The following ZBTB44 variants were observed in gnomAD, a reference collection of about 807,000 sequenced individuals.
ZBTB44 encodes the protein zinc finger and BTB domain-containing protein 44.
ZBTB44 carries 15 observed loss-of-function variants against 54.0 expected under a neutral mutation model. That is an observed-to-expected ratio of 0.28 (90% CI 0.19 to 0.43). The LOEUF (loss-of-function observed/expected upper bound fraction) is 0.43. ZBTB44 is among the 20% of genes least tolerant of loss of function. ZBTB44 has a pLI of 1.00. For synonymous variants in ZBTB44, 230 were observed against 250.1 expected (o/e 0.92, Z 0.76); for missense variants, 487 against 707.1 (o/e 0.69, Z 3.53).
At chr11:130,267,005 C>G (rs969409837) in intron 1 of ZBTB44, among the ~76,000 whole-genome samples, 5 of 152,140 alleles carry the variant, frequency 3.3e-5, no homozygotes, top group African/African-American at 1.2e-4. Context: ...ATGGCTCACC[C>G]TATAATCCCA....
intron 2 of ZBTB44, among the ~76,000 whole-genome samples, chr11:130,240,428 A>G (rs560721859): frequency 2.5e-4 from 38 of 152,242 alleles, no homozygotes; most frequent in Non-Finnish European, 3.7e-4. Flanking sequence ...TCTTTTAGAA[A>G]TATTTCTTTG....
At chr11:130,298,294 C>A (rs899775286) in intron 1 of ZBTB44, among the ~76,000 whole-genome samples, 8 of 151,916 alleles carry the variant, frequency 5.3e-5, no homozygotes, top group Non-Finnish European at 8.8e-5. Flanking sequence ...AGGCATGCAC[C>A]ACCTCACCCA....
At chr11:130,276,831 T>G (rs1287048224) in intron 1 of ZBTB44, among the ~76,000 whole-genome samples, 1 of 152,220 alleles carries the variant, frequency 6.6e-6, no homozygotes, top group Non-Finnish European at 1.5e-5. Flanking sequence ...TTTGGTATTC[T>G]GTTATTACAT....
In ZBTB44 at chr11:130,314,834, C is replaced by CCGCG; in HGVS notation, c.-520_-517dup. Reference sequence around the variant, plus strand: ...GGGGGAGGTTGGGAGGGAGCCGCCGCCGCGCGCGTGCGGCCGGCGCCGCCG... The same window carrying CCGCG: ...GGGGGAGGTTGGGAGGGAGCCGCCGCCGCGCGCGCGCGTGCGGCCGGCGCCGCCG... On this transcript the variant is annotated 5_prime_UTR_variant, in exon 1 of 8. Coordinates refer to ENST00000357899, the MANE Select transcript of ZBTB44 (RefSeq NM_001301098.2). 4.8e-4 allele frequency: 1 copy of CCGCG among 2,072 alleles called. No individual in the cohort carries two copies. The highest frequency in any genetic ancestry group is 3.4e-3 in the African/African-American group (1 of 296). The allele number at this position is 2,072 out of a possible 1,614,324, so 0.1% of individuals were successfully genotyped here. A position where few individuals can be genotyped will look rare whatever the true frequency, so the allele number is the denominator to read the frequency against.
chr11:130,286,865 A>G (rs1940998030), intron 1 of ZBTB44, among the ~76,000 whole-genome samples: 2 of 152,196 alleles, frequency 1.3e-5, no homozygotes, highest in South Asian at 4.1e-4. Context: ...GAGTCTATGT[A>G]AAGAGCCCAG....
intron 7 of ZBTB44, chr11:130,232,654 A>T (rs969463472): frequency 2.0e-5 from 3 of 152,222 alleles, no homozygotes; most frequent in African/African-American, 7.2e-5. Flanking sequence ...GCAATGTCTA[A>T]AAATAAATAT....
chr11:130,296,901 T>C, intron 1 of ZBTB44: 4 of 730,092 alleles, frequency 5.5e-6, no homozygotes, highest in Non-Finnish European at 1.0e-5. Context: ...AGTGCCTGCC[T>C]TTGTTGATCT....
chr11:130,278,689 C>CA (rs1185599747), intron 1 of ZBTB44, among the ~76,000 whole-genome samples: 2 of 152,118 alleles, frequency 1.3e-5, no homozygotes, highest in African/African-American at 4.8e-5. Flanking sequence ...TCACTAAACC[C>CA]ATCTTCTGCC....
intron 1 of ZBTB44, among the ~76,000 whole-genome samples, chr11:130,288,443 A>C (rs2134337771): frequency 6.6e-6 from 1 of 152,162 alleles, no homozygotes; most frequent in African/African-American, 2.4e-5. Flanking sequence ...CCTCTGGAAA[A>C]CTCCATTGTA....
intron 1 of ZBTB44, chr11:130,295,889 C>A: frequency 1.4e-6 from 2 of 1,471,196 alleles, no homozygotes; most frequent in East Asian, 2.3e-5. Context: ...CACGTGCATA[C>A]CTATGGGTTG....
Position 130,260,898 on chromosome 11 carries a change from C to T in ZBTB44, c.976G>A (p.Val326Ile), listed in dbSNP as rs767208176. The change falls in exon 2 of 8, where the codon GTC becomes ATC. Residue 326 changes from valine (V) to isoleucine (I), a missense_variant. By Grantham distance (29) the Val-to-Ile change is conservative (BLOSUM62 3). Around this residue, in one of 3 missense-constraint regions of ZBTB44, gnomAD observed 277 missense variants for 306.5 expected, o/e 0.90. Coordinates refer to ENST00000357899, the MANE Select transcript of ZBTB44 (RefSeq NM_001301098.2). ...DQQTVPGSEQVQEDLLISPQS... is the reference protein window; with the variant it reads ...DQQTVPGSEQIQEDLLISPQS... ...GGACTAATCAGAAGGTCCTCTTGGA[C>T]TTGTTCACTTCCTGGAACTGTCTGC... The T allele has an allele frequency of 1.9e-6, 3 of 1,613,830 alleles. No individual in the cohort carries two copies. The highest frequency in any genetic ancestry group is 4.5e-5 in the East Asian group (2 of 44,892).
chr11:130,260,108 C>A lies in ZBTB44; in HGVS notation c.1018+748G>T, dbSNP rs754620383. ...CATCACCTGCACTTAAATGCAACCCCTACTGAAACTAGGATTCGAGGCTCT... is the reference window on the plus strand; with the variant it reads ...CATCACCTGCACTTAAATGCAACCCATACTGAAACTAGGATTCGAGGCTCT... On this transcript the variant is annotated intron_variant, in intron 2 of 7. Transcript: ENST00000357899. Among the ~76,000 whole-genome samples, 95 of 152,286 alleles carry A rather than the reference C, an allele frequency of 6.2e-4. 1 individual carries two copies. The highest frequency in any genetic ancestry group is 1.2e-3 in the Non-Finnish European group (80 of 68,020).
chr11:130,296,240 G>A (rs1396761539), intron 1 of ZBTB44: 4 of 1,328,728 alleles, frequency 3.0e-6, no homozygotes, highest in Non-Finnish European at 4.2e-6. Context: ...ATACAACAGT[G>A]GATGGTCTTG....
At chr11:130,251,515 T>C (rs951989119) in intron 2 of ZBTB44, among the ~76,000 whole-genome samples, 5 of 152,030 alleles carry the variant, frequency 3.3e-5, no homozygotes, top group Non-Finnish European at 7.4e-5. Flanking sequence ...AAGGTTGAAA[T>C]GAAGGAAAAA....
Position 130,261,596 on chromosome 11 carries a change from G to T in ZBTB44, c.278C>A (p.Thr93Asn). The change falls in exon 2 of 8, where the codon ACT (threonine) becomes AAT (asparagine). Residue 93 changes from threonine (T) to asparagine (N), a missense_variant. Physicochemically the swap from Thr to Asn is moderately conservative, Grantham distance 65 (BLOSUM62 0). Coordinates refer to ENST00000357899, the MANE Select transcript of ZBTB44 (RefSeq NM_001301098.2). This position sits in a 1 kb window ranked among gnomAD's most constrained non-coding sequence, Gnocchi z 4.8. ...AATATTTTCTGTGTTAATTGATAGA[G>T]TGGCTGTGTAAGCATATTCTAAAAG... Reference protein sequence around the residue: ...IPLLEYAYTATLSINTENIID... With the variant: ...IPLLEYAYTANLSINTENIID... 1.2e-6 allele frequency: 2 copies of T among 1,613,980 alleles called. No homozygotes were observed. The highest frequency in any genetic ancestry group is 1.7e-6 in the Non-Finnish European group (2 of 1,179,892).
At chr11:130,241,853 T>C (rs1192466947) in intron 2 of ZBTB44, among the ~76,000 whole-genome samples, 2 of 152,232 alleles carry the variant, frequency 1.3e-5, no homozygotes, top group Non-Finnish European at 2.9e-5. Context: ...TGTGACCGAA[T>C]GTCATGAAAG....
chr11:130,261,226 T>G lies in ZBTB44; in HGVS notation c.648A>C (p.Glu216Asp). 6.2e-7 allele frequency: 1 copy of G among 1,613,946 alleles called. No homozygotes were observed. The highest frequency in any genetic ancestry group is 2.2e-5 in the East Asian group (1 of 44,876). ...AAGAGTCAACTGGTTGGTTTCTATT[T>G]TCTGAGTAGGAAGCTGAAGAATTCA... Reference protein sequence around the residue: ...QVLNSSASYSENRNQPVDSSL... With the variant: ...QVLNSSASYSDNRNQPVDSSL... Residue 216 changes from glutamate to aspartate, a missense_variant, in exon 2 of 8, where the codon GAA becomes GAC. Physicochemically the swap from Glu to Asp is conservative, Grantham distance 45. Transcript: ENST00000357899. This position sits in a 1 kb window ranked among gnomAD's most constrained non-coding sequence, Gnocchi z 4.8.
Position 130,261,748 on chromosome 11 carries a change from G to A in ZBTB44, c.126C>T (p.Phe42=), listed in dbSNP as rs2136438889. The A allele has an allele frequency of 6.2e-7, 1 of 1,614,012 alleles. No homozygotes were observed. Among genetic ancestry groups the A allele is most frequent in the South Asian group, 1.1e-5 (1 of 91,088 alleles). The part of the protein sequence containing the change: ...DITIRVQDKI[F]RAHKVVLAAC... ...CTGCTAGTACCACCTTATGTGCCCG[G>A]AAGATTTTGTCCTGGACACGAATAG... Residue 42 remains phenylalanine (F), a synonymous_variant, in exon 2 of 8, where the codon TTC becomes TTT. Transcript: ENST00000357899. The surrounding 1 kb of genome is among the most constrained non-coding windows in gnomAD (Gnocchi z 4.8).
chr11:130,261,626 A>G lies in ZBTB44; in HGVS notation c.248T>C (p.Ile83Thr). Reference sequence around the variant, plus strand: ...TGTGTAAGCATATTCTAAAAGAGGTATAAAGCCAGTCACTGTAACATGATG... The same window carrying G: ...TGTGTAAGCATATTCTAAAAGAGGTGTAAAGCCAGTCACTGTAACATGATG... ...DLHHVTVTGF[I>T]PLLEYAYTAT... Residue 83 changes from isoleucine (I) to threonine (T), a missense_variant, in exon 2 of 8, where the codon ATA becomes ACA. Coordinates refer to ENST00000357899, the MANE Select transcript of ZBTB44 (RefSeq NM_001301098.2). This position sits in a 1 kb window ranked among gnomAD's most constrained non-coding sequence, Gnocchi z 4.8. The G allele has an allele frequency of 1.9e-6, 3 of 1,614,062 alleles. No homozygotes were observed. The highest frequency in any genetic ancestry group is 2.5e-6 in the Non-Finnish European group (3 of 1,179,904).
Sources: allele counts gnomAD v4.1 joint callset (sites outside exome capture counted in the v4.1 genomes callset), GRCh38; gene constraint gnomAD v4.1.1; regional missense constraint gnomAD v4.1.1; non-coding constraint Gnocchi (gnomAD v3.1); transcripts MANE v1.5; gene names NCBI Gene and HGNC (gene_info 2026-07-23, HGNC 2026-07-21).